SWI5: variants seen among roughly 807,000 people sequenced by gnomAD.
SWI5 encodes SWI5 homologous recombination repair protein, also known as DNA repair protein SWI5 homolog.
Under a neutral mutation model 17.0 loss-of-function variants are expected in SWI5, and 12 were observed. That is an observed-to-expected ratio of 0.71 (90% confidence interval 0.45 to 1.14). SWI5 has a LOEUF of 1.14. Ranked by LOEUF, SWI5 falls within the 50% of genes most tolerant of loss-of-function variation. The pLI is 0.00. For missense variants in SWI5, 158 were observed against 162.2 expected, an observed-to-expected ratio of 0.97 and a Z score of 0.14; for synonymous variants, 61 against 64.0, an observed-to-expected ratio of 0.95 and a Z score of 0.22.
exon 2 of SWI5, chr9:128,276,707 G>A: frequency 4.3e-6 from 7 of 1,613,868 alleles, no homozygotes; most frequent in East Asian, 2.2e-5. Context: ...TCCTCTCTAG[G>A]ACTGAACCAA....
chr9:128,278,749 A>C (rs781562959), intron 2 of SWI5: 1 of 437,352 alleles, frequency 2.3e-6, no homozygotes, highest in Admixed American at 3.2e-5. Context: ...CTTTAAACTG[A>C]GAAACTGAGT....
chr9:128,288,590 A>G, intron 4 of SWI5, 62 bp from the exon 5 acceptor site: 5 of 1,583,934 alleles, frequency 3.2e-6, no homozygotes, highest in Non-Finnish European at 3.5e-6. Context: ...GGCTCGGGGC[A>G]TTGGCTGTAC....
At chr9:128,276,873 TC>T in intron 2 of SWI5, 118 bp downstream of exon 2, 1 of 1,089,382 alleles carries the variant, frequency 9.2e-7, no homozygotes, top group Non-Finnish European at 1.3e-6. Flanking sequence ...CCATATCTTC[TC>T]CCAGTCGACT....
rs1360283089 is a variant in SWI5, at chr9:128,285,451, G to A, written c.234-488G>A. On this transcript the variant is annotated intron_variant, in intron 3 of 4. Transcript: ENST00000418976. The surrounding 1 kb of genome is among the most constrained non-coding windows in gnomAD (Gnocchi z 4.8). The stretch of plus-strand genomic sequence containing the variant: ...AGCTGTTGCTCTTCCAGTCTCCGGA[G>A]CCATGTTCTCCACCTCTGCTTCCCT... Among the ~76,000 whole-genome samples the A allele has an allele frequency of 6.6e-6, 1 of 152,218 alleles. No homozygotes were observed. Among genetic ancestry groups the A allele is most frequent in the African/African-American group, 2.4e-5 (1 of 41,458 alleles).
chr9:128,288,738 CACAGCTCCCAGGG>C, exon 5 of SWI5: 1 of 1,613,526 alleles, frequency 6.2e-7, no homozygotes, highest in Non-Finnish European at 8.5e-7. Flanking sequence ...GCCCCTTGTC[CACAGCTCCCAGGG>C]ACAGAAGGGT....
chr9:128,287,162 A>G (rs1243759532), intron 4 of SWI5, among the ~76,000 whole-genome samples: 1 of 138,178 alleles, frequency 7.2e-6, no homozygotes, highest in Admixed American at 7.1e-5. Flanking sequence ...AAAAAAAAAA[A>G]GGCCGGGCTC....
chr9:128,285,936 C>T lies in SWI5; in HGVS notation c.234-3C>T, dbSNP rs1436916997. On this transcript the variant is annotated splice_region_variant and splice_polypyrimidine_tract_variant and intron_variant, in intron 3 of 4. Coordinates refer to ENST00000418976, the Ensembl canonical transcript of SWI5. The surrounding 1 kb of genome is among the most constrained non-coding windows in gnomAD (Gnocchi z 4.8). The stretch of plus-strand genomic sequence containing the variant: ...TTCCCCCTCTCTCCATCGCTTATCC[C>T]AGAGGCTACAGTGTGGATGAACTGG... 1 of 1,611,096 alleles carries T rather than the reference C, an allele frequency of 6.2e-7. No homozygotes were observed. Among genetic ancestry groups the T allele is most frequent in the African/African-American group, 1.3e-5 (1 of 74,862 alleles).
At chr9:128,281,621 T>C (rs185323243) in intron 2 of SWI5, among the ~76,000 whole-genome samples, 1 of 152,354 alleles carries the variant, frequency 6.6e-6, no homozygotes, top group East Asian at 1.9e-4. Flanking sequence ...AATATTAATA[T>C]TGAGTGTCTA....
chr9:128,287,343 G>A (rs1021289624), intron 4 of SWI5, among the ~76,000 whole-genome samples: 1 of 150,858 alleles, frequency 6.6e-6, no homozygotes, highest in Non-Finnish European at 1.5e-5. Flanking sequence ...TACTCAGGAG[G>A]CTGAGGCAGG....
intron 4 of SWI5, among the ~76,000 whole-genome samples, chr9:128,287,602 C>G (rs1831666643): frequency 7.0e-6 from 1 of 142,056 alleles, no homozygotes; most frequent in Admixed American, 7.1e-5. Flanking sequence ...CACTGTGTCA[C>G]CCAGGTTGGA....
At chr9:128,275,927 G>C, upstream of SWI5, 1 of 1,591,508 alleles carries the variant, frequency 6.3e-7, no homozygotes, top group Non-Finnish European at 8.6e-7. Context: ...GCTCTGTCGG[G>C]TTTCTTCCGA....
intron 2 of SWI5, chr9:128,278,516 G>A (rs1031518070): frequency 1.6e-4 from 61 of 393,148 alleles, no homozygotes; most frequent in Non-Finnish European, 1.4e-4. Context: ...GCAGTGAGCC[G>A]AGATCACCCT....
chr9:128,283,369 C>T (rs1489968836), intron 2 of SWI5, among the ~76,000 whole-genome samples: 1 of 152,146 alleles, frequency 6.6e-6, no homozygotes, highest in East Asian at 1.9e-4. Context: ...TGGTGGTGTG[C>T]ACCTGTAATC....
rs761151635 is a variant in SWI5 at position 128,285,999 on chromosome 9, C to T, written c.294C>T (p.Ile98=). 1 of 1,614,056 alleles carries T rather than the reference C, an allele frequency of 6.2e-7. No individual in the cohort carries two copies. The highest frequency in any genetic ancestry group is 8.5e-7 in the Non-Finnish European group (1 of 1,179,944). The change falls in exon 4 of 5, where the codon ATC becomes ATT. Residue 98 remains isoleucine, a synonymous_variant. Transcript: ENST00000418976. This position sits in a 1 kb window ranked among gnomAD's most constrained non-coding sequence, Gnocchi z 4.8. ...CCCAGCTTCACGAGTACAATGACATCAAGGATGTGGGGCAGATGCTGATGG... is the reference window on the plus strand; with the variant it reads ...CCCAGCTTCACGAGTACAATGACATTAAGGATGTGGGGCAGATGCTGATGG...
At chr9:128,281,643 G>A (rs1447921567) in intron 2 of SWI5, among the ~76,000 whole-genome samples, 1 of 152,220 alleles carries the variant, frequency 6.6e-6, no homozygotes, top group African/African-American at 2.4e-5. Flanking sequence ...TATGTGCCAT[G>A]TACTGTTGTA....
chr9:128,287,762 A>G (rs1033842725), intron 4 of SWI5, among the ~76,000 whole-genome samples: 3 of 151,980 alleles, frequency 2.0e-5, no homozygotes, highest in Admixed American at 1.3e-4. Context: ...GGGTTTCACC[A>G]TGTTGGCCAG....
chr9:128,283,943 T>C (rs912319717), intron 2 of SWI5, among the ~76,000 whole-genome samples: 1 of 150,088 alleles, frequency 6.7e-6, no homozygotes, highest in Non-Finnish European at 1.5e-5. Flanking sequence ...CAGTGACCTA[T>C]AATCACGCCA....
exon 5 of SWI5, chr9:128,288,702 G>T: frequency 3.1e-6 from 5 of 1,614,172 alleles, no homozygotes; most frequent in Non-Finnish European, 4.2e-6. Context: ...GTTTGGGCTG[G>T]ACATGAATGA....
intron 2 of SWI5, among the ~76,000 whole-genome samples, chr9:128,277,490 G>A (rs1188631514): frequency 1.3e-5 from 2 of 152,212 alleles, no homozygotes; most frequent in Non-Finnish European, 2.9e-5. Context: ...GAAGGTGGAG[G>A]TTGCAGTAAG....
Sources: gnomAD v4.1 joint callset for allele counts (sites outside exome capture counted in the v4.1 genomes callset) on GRCh38, gnomAD v4.1.1 for gene constraint, Gnocchi (gnomAD v3.1) non-coding constraint, MANE v1.5 for transcripts, NCBI Gene and HGNC (gene_info 2026-07-23, HGNC 2026-07-21) for gene names.